Variants in CNTN5 observed in about 807,000 individuals in gnomAD.
CNTN5 encodes contactin-5.
In CNTN5, 77 loss-of-function variants were observed where a neutral mutation model predicts 129.1. The observed-to-expected ratio is 0.60, with a 90% CI of 0.50 to 0.72. CNTN5 has a LOEUF of 0.72. CNTN5 is among the 30% of genes least tolerant of loss of function. The pLI, the probability that CNTN5 is intolerant of heterozygous loss-of-function variation, is 0.00. For synonymous variants in CNTN5, 509 were observed against 465.6 expected (o/e 1.09, Z -1.20); for missense variants, 1,478 against 1,328.8 (o/e 1.11, Z -1.75).
intron 3 of CNTN5, among the ~76,000 whole-genome samples, chr11:99,590,380 T>C (rs1313802862): frequency 6.6e-6 from 1 of 152,182 alleles, no homozygotes; most frequent in African/African-American, 2.4e-5. Flanking sequence ...TTGTTGTTTA[T>C]TAGCTGTATG....
chr11:99,823,403 T>C (rs1160692948), intron 4 of CNTN5, among the ~76,000 whole-genome samples: 2 of 152,156 alleles, frequency 1.3e-5, no homozygotes, highest in Non-Finnish European at 2.9e-5. Context: ...AGCCCAGATT[T>C]GTTTATTCAG....
intron 1 of CNTN5, among the ~76,000 whole-genome samples, chr11:99,246,205 C>A (rs1277633237): frequency 1.3e-5 from 2 of 152,146 alleles, no homozygotes; most frequent in Admixed American, 6.6e-5. Flanking sequence ...CTAATGAACG[C>A]ATTTTGCATT....
At chr11:99,076,498 A>G (rs1367855652) in intron 1 of CNTN5, among the ~76,000 whole-genome samples, 1 of 152,078 alleles carries the variant, frequency 6.6e-6, no homozygotes, top group Admixed American at 6.6e-5. Flanking sequence ...AAAGAATCCT[A>G]AATGTGGTAA....
At chr11:99,123,247 G>C (rs1206369251) in intron 1 of CNTN5, among the ~76,000 whole-genome samples, 1 of 151,756 alleles carries the variant, frequency 6.6e-6, no homozygotes, top group Non-Finnish European at 1.5e-5. Flanking sequence ...ATTCTGACTG[G>C]TATGATATAA....
At chr11:99,569,747 C>A (rs1949119090) in intron 3 of CNTN5, among the ~76,000 whole-genome samples, 2 of 151,970 alleles carry the variant, frequency 1.3e-5, no homozygotes, top group Admixed American at 1.3e-4. Flanking sequence ...TAATTTTTTT[C>A]TTGGGTTTAG....
At position 99,439,445 on chromosome 11, in the gene CNTN5, C is replaced by T. The variant is rs538992685; in HGVS notation, c.-71+113961C>T. ...ATACATAGACAGGCGCGGTGGCTCA[C>T]GCCTGTAATCCCAACACTTTGGGAG... is the stretch of plus-strand genomic sequence containing the variant. On this transcript the variant is annotated intron_variant, in intron 2 of 24. Coordinates refer to ENST00000524871, the MANE Select transcript of CNTN5 (RefSeq NM_014361.4). Among the ~76,000 whole-genome samples the T allele has an allele frequency of 1.2e-4, 19 of 152,130 alleles. No homozygotes were observed. In the South Asian group the frequency reaches 3.3e-3, roughly 27 times the overall value.
At chr11:99,761,767 T>C (rs1385050489) in intron 3 of CNTN5, among the ~76,000 whole-genome samples, 1 of 134,780 alleles carries the variant, frequency 7.4e-6, no homozygotes, top group East Asian at 2.1e-4. Flanking sequence ...TATAGTCCTT[T>C]GGGTATATAC....
intron 2 of CNTN5, among the ~76,000 whole-genome samples, chr11:99,543,038 C>T (rs1948167243): frequency 1.3e-5 from 2 of 152,136 alleles, no homozygotes; most frequent in South Asian, 4.1e-4. Context: ...ATTTGGCCAC[C>T]TCTATTAAAT....
chr11:99,719,045 G>A (rs1455782044), intron 3 of CNTN5, among the ~76,000 whole-genome samples: 3 of 152,134 alleles, frequency 2.0e-5, no homozygotes, highest in African/African-American at 4.8e-5. Flanking sequence ...GAGAGCGGGT[G>A]TGGTGTCTCA....
intron 1 of CNTN5, among the ~76,000 whole-genome samples, chr11:99,098,948 T>C (rs1007239059): frequency 1.3e-5 from 2 of 152,110 alleles, no homozygotes; most frequent in Non-Finnish European, 2.9e-5. Flanking sequence ...AAACTGAACA[T>C]CATTATTTTT....
intron 3 of CNTN5, among the ~76,000 whole-genome samples, chr11:99,573,333 G>A (rs942778132): frequency 3.3e-5 from 5 of 152,148 alleles, no homozygotes; most frequent in Admixed American, 6.5e-5. Flanking sequence ...CACTTTGGGC[G>A]GCCTAGGCGG....
intron 1 of CNTN5, among the ~76,000 whole-genome samples, chr11:99,262,138 A>G (rs1404677891): frequency 6.6e-6 from 1 of 152,022 alleles, no homozygotes; most frequent in African/African-American, 2.4e-5. Context: ...TTTGAAAGCC[A>G]TGGCCTTTGG....
intron 3 of CNTN5, among the ~76,000 whole-genome samples, chr11:99,599,109 G>A (rs562427186): frequency 6.6e-6 from 1 of 151,592 alleles, no homozygotes. Flanking sequence ...TTAAAGCAGT[G>A]AAATATTGTA....
chr11:100,016,769 G>A (rs879515668), intron 9 of CNTN5, among the ~76,000 whole-genome samples: 1 of 151,814 alleles, frequency 6.6e-6, no homozygotes, highest in Non-Finnish European at 1.5e-5. Flanking sequence ...AGACTATTGA[G>A]AATGAATATG....
intron 3 of CNTN5, among the ~76,000 whole-genome samples, chr11:99,793,525 G>C (rs1223993495): frequency 6.6e-6 from 1 of 152,098 alleles, no homozygotes; most frequent in Non-Finnish European, 1.5e-5. Flanking sequence ...TTGATAATTT[G>C]AGATCTTGCT....
intron 3 of CNTN5, among the ~76,000 whole-genome samples, chr11:99,609,281 A>G (rs1591356098): frequency 6.6e-6 from 1 of 152,284 alleles, no homozygotes; most frequent in African/African-American, 2.4e-5. Flanking sequence ...TATAGACCCA[A>G]AGAGATAAGT....
chr11:99,935,538 C>T (rs1950297219), intron 7 of CNTN5, among the ~76,000 whole-genome samples: 2 of 151,508 alleles, frequency 1.3e-5, no homozygotes. Context: ...AATTGCTTTG[C>T]AATGAACATT....
At chr11:99,872,208 A>G (rs1948520643) in intron 6 of CNTN5, among the ~76,000 whole-genome samples, 1 of 152,094 alleles carries the variant, frequency 6.6e-6, no homozygotes, top group East Asian at 1.9e-4. Context: ...GATTCATCAC[A>G]AAATTAACAC....
At chr11:99,460,708 A>C (rs1442301158) in intron 2 of CNTN5, among the ~76,000 whole-genome samples, 1 of 151,992 alleles carries the variant, frequency 6.6e-6, no homozygotes, top group African/African-American at 2.4e-5. Flanking sequence ...TGATTTTCAG[A>C]TACTGAAAAT....
Sources: allele counts gnomAD v4.1 joint callset (sites outside exome capture counted in the v4.1 genomes callset), GRCh38; gene constraint gnomAD v4.1.1; transcripts MANE v1.5; gene names NCBI Gene and HGNC (gene_info 2026-07-23, HGNC 2026-07-21).